Variants in GAP43 observed in about 807,000 individuals in gnomAD.
GAP43 encodes growth associated protein 43.
Under a neutral mutation model 18.6 loss-of-function variants are expected in GAP43, and 6 were observed. The observed-to-expected ratio is 0.32, with a 90% CI of 0.18 to 0.64. GAP43 has a LOEUF of 0.64. Among genes scored for constraint, GAP43 ranks in the 30% least tolerant of loss-of-function variants. The pLI is 0.78. For synonymous variants in GAP43, 115 were observed against 111.4 expected (o/e 1.03, Z -0.20); for missense variants, 292 against 295.5 (o/e 0.99, Z 0.09).
At chr3:115,701,383 C>T (rs1056426177) in intron 2 of GAP43, among the ~76,000 whole-genome samples, 11 of 151,836 alleles carry the variant, frequency 7.2e-5, no homozygotes, top group Non-Finnish European at 1.0e-4. Context: ...ATTGTTATTC[C>T]GGGGGTAGGG....
chr3:115,640,334 A>G (rs1424514884), intron 1 of GAP43, among the ~76,000 whole-genome samples: 1 of 152,110 alleles, frequency 6.6e-6, no homozygotes, highest in Admixed American at 6.6e-5. Flanking sequence ...AAGACAGGCA[A>G]GTATTCAGTA....
Position 115,692,016 on chromosome 3 carries a change from G to A in GAP43, c.628+15406G>A, listed in dbSNP as rs139418761. On this transcript the variant is annotated intron_variant, in intron 2 of 2. Coordinates refer to ENST00000305124, the MANE Select transcript of GAP43 (RefSeq NM_002045.4). ...AAAAATTGCCTAAGCCTGGGAACTGGATGGGCTTCAGGAGGGTTCTTTCAT... is the reference window on the plus strand; with the variant it reads ...AAAAATTGCCTAAGCCTGGGAACTGAATGGGCTTCAGGAGGGTTCTTTCAT... 2.7e-4 allele frequency among the ~76,000 whole-genome samples: 41 copies of A among 152,306 alleles called. No individual in the cohort carries two copies. In the East Asian group the frequency reaches 6.7e-3, roughly 25 times the overall value.
At chr3:115,685,336 T>C (rs890624023) in intron 2 of GAP43, among the ~76,000 whole-genome samples, 1 of 152,204 alleles carries the variant, frequency 6.6e-6, no homozygotes, top group Non-Finnish European at 1.5e-5. Context: ...TGCTAGTGTG[T>C]GACAGAAACA....
chr3:115,691,848 A>C (rs1709119286), intron 2 of GAP43, among the ~76,000 whole-genome samples: 1 of 152,216 alleles, frequency 6.6e-6, no homozygotes, highest in South Asian at 2.1e-4. Flanking sequence ...TTTGTCCCTC[A>C]GAAACTGCAA....
rs56209932 is a variant in GAP43 at position 115,661,831 on chromosome 3, C to CTTTTTTTTTTTTTTTTTTTTTT, written c.31-14168_31-14167insTTTTTTTTTTTTTTTTTTTTTT. On this transcript the variant is annotated intron_variant, in intron 1 of 2. Transcript: ENST00000305124. ...AGTTTGGCTTGGGGAGAAACTAGGG[C>CTTTTTTTTTTTTTTTTTTTTTT]TTTTTTTTTTTTTTACCTGGGAGCT... Among the ~76,000 whole-genome samples the CTTTTTTTTTTTTTTTTTTTTTT allele has an allele frequency of 1.6e-3, 168 of 105,938 alleles. 25 individuals carry two copies. The highest frequency in any genetic ancestry group is 6.8e-3 in the African/African-American group (166 of 24,548). The allele number at this position is 105,938 out of a possible 152,430, so 69.5% of individuals were successfully genotyped here. A position where few individuals can be genotyped will look rare whatever the true frequency, so the allele number is the denominator to read the frequency against.
At chr3:115,650,545 C>G (rs1708508429) in intron 1 of GAP43, among the ~76,000 whole-genome samples, 1 of 151,974 alleles carries the variant, frequency 6.6e-6, no homozygotes, top group African/African-American at 2.4e-5. Flanking sequence ...TCTGTTCCTC[C>G]TTCTCCCCAT....
At chr3:115,677,578 T>A (rs1464571557) in intron 2 of GAP43, among the ~76,000 whole-genome samples, 3 of 152,194 alleles carry the variant, frequency 2.0e-5, no homozygotes, top group Non-Finnish European at 4.4e-5. Flanking sequence ...ACAGTTTCCA[T>A]GATCTTTCTC....
At position 115,638,851 on chromosome 3, in the gene GAP43, A is replaced by G. The variant is rs149905084; in HGVS notation, c.30+15132A>G. Among the ~76,000 whole-genome samples the G allele has an allele frequency of 4.7e-3, 713 of 152,006 alleles. 2 individuals are homozygous for G. The highest frequency in any genetic ancestry group is 0.016 in the African/African-American group (672 of 41,500). ...CTCTCTGATCCTCCAGCCTAATACA[A>G]TTATTCTTCGTTTTGTGCCTTATGT... On this transcript the variant is annotated intron_variant, in intron 1 of 2. Coordinates refer to ENST00000305124, the MANE Select transcript of GAP43 (RefSeq NM_002045.4).
intron 1 of GAP43, among the ~76,000 whole-genome samples, chr3:115,649,027 C>CAAA (rs1282660542): frequency 1.3e-5 from 2 of 152,150 alleles, no homozygotes; most frequent in Non-Finnish European, 2.9e-5. Flanking sequence ...ATACAGATAA[C>CAAA]TGGCATAGAC....
intron 2 of GAP43, among the ~76,000 whole-genome samples, chr3:115,678,452 A>G (rs3772920): frequency 0.1 from 15,429 of 152,156 alleles, 1,222 homozygotes; most frequent in East Asian, 0.35. Flanking sequence ...TTTAAAAGAA[A>G]TTAAGTTTTA....
intron 1 of GAP43, among the ~76,000 whole-genome samples, chr3:115,628,554 T>G (rs1708220723): frequency 6.6e-6 from 1 of 152,188 alleles, no homozygotes. Flanking sequence ...TCACATCCAG[T>G]GACCCTTCAT....
chr3:115,642,853 G>A (rs541580777), intron 1 of GAP43, among the ~76,000 whole-genome samples: 16 of 152,012 alleles, frequency 1.1e-4, no homozygotes, highest in African/African-American at 2.9e-4. Flanking sequence ...GCTTTTTGTG[G>A]TGATTCTTAA....
chr3:115,628,646 C>T (rs921473432), intron 1 of GAP43, among the ~76,000 whole-genome samples: 6 of 152,142 alleles, frequency 3.9e-5, no homozygotes, highest in African/African-American at 1.2e-4. Flanking sequence ...ACTGGGTCTG[C>T]ATGATATTAA....
At chr3:115,687,768 A>G (rs182646558) in intron 2 of GAP43, among the ~76,000 whole-genome samples, 3 of 152,304 alleles carry the variant, frequency 2.0e-5, no homozygotes, top group Admixed American at 2.0e-4. Context: ...AACTAATAAT[A>G]ATTAAAAATT....
chr3:115,659,618 TA>T lies in GAP43; in HGVS notation c.31-16394del, dbSNP rs1559794074. Among the ~76,000 whole-genome samples the T allele has an allele frequency of 8.6e-4, 131 of 151,790 alleles. 1 individual carries two copies. The highest frequency in any genetic ancestry group is 3.0e-3 in the African/African-American group (124 of 41,396). ...AGAGCGAAAAATTAAAATAAAATAT[TA>T]GAGAGAGAGAAAAGGGAAGAGGGGC... is the stretch of plus-strand genomic sequence containing the variant. On this transcript the variant is annotated intron_variant, in intron 1 of 2. Transcript: ENST00000305124.
At chr3:115,683,141 G>GCACACACACACA (rs1472371618) in intron 2 of GAP43, among the ~76,000 whole-genome samples, 1 of 121,322 alleles carries the variant, frequency 8.2e-6, no homozygotes, top group South Asian at 2.7e-4. Flanking sequence ...GCGTGCGCGC[G>GCACACACACACA]CGCGCGCACA....
At chr3:115,628,152 G>A (rs1372903111) in intron 1 of GAP43, among the ~76,000 whole-genome samples, 1 of 152,010 alleles carries the variant, frequency 6.6e-6, no homozygotes, top group Non-Finnish European at 1.5e-5. Flanking sequence ...ATGATCTAGT[G>A]CCTGCTGTGT....
chr3:115,679,399 T>A (rs1310581630), intron 2 of GAP43, among the ~76,000 whole-genome samples: 1 of 152,154 alleles, frequency 6.6e-6, no homozygotes, highest in African/African-American at 2.4e-5. Context: ...ATCTTTGAAG[T>A]TGGTTGGTTA....
chr3:115,650,608 T>C (rs188104079), intron 1 of GAP43, among the ~76,000 whole-genome samples: 27 of 152,270 alleles, frequency 1.8e-4, no homozygotes, highest in Non-Finnish European at 3.4e-4. Flanking sequence ...ATGGTTCTTA[T>C]GGCATTGCAC....
Sources: allele counts gnomAD v4.1 joint callset (sites outside exome capture counted in the v4.1 genomes callset), GRCh38; gene constraint gnomAD v4.1.1; transcripts MANE v1.5; gene names NCBI Gene and HGNC (gene_info 2026-07-23, HGNC 2026-07-21).